The following SBF2 variants were observed in gnomAD, a reference collection of about 807,000 sequenced individuals.
SBF2 encodes the protein myotubularin-related protein 13.
Under a neutral mutation model 225.2 loss-of-function variants are expected in SBF2, and 112 were observed. The ratio of observed to expected loss-of-function variants is 0.50; its 90% confidence interval spans 0.43 to 0.58. The LOEUF is 0.58. Among genes scored for constraint, SBF2 ranks in the 20% least tolerant of loss-of-function variants. The pLI is 0.00. For synonymous variants in SBF2, 763 were observed against 773.3 expected (o/e 0.99, Z 0.22); for missense variants, 1,996 against 2,206.2 (o/e 0.90, Z 1.91).
At chr11:9,798,739 G>A (rs1023605288) in intron 32 of SBF2, among the ~76,000 whole-genome samples, 9 of 152,162 alleles carry the variant, frequency 5.9e-5, no homozygotes, top group African/African-American at 2.2e-4. Context: ...GAGGTCAGGA[G>A]ATTGAGACCA....
chr11:9,816,054 C>T (rs550131436), intron 29 of SBF2, among the ~76,000 whole-genome samples: 1 of 152,318 alleles, frequency 6.6e-6, no homozygotes, highest in South Asian at 2.1e-4. Flanking sequence ...CCAACTGGAG[C>T]ACTGGATTAA....
At chr11:10,100,126 C>T (rs563039570) in intron 2 of SBF2, among the ~76,000 whole-genome samples, 18 of 152,260 alleles carry the variant, frequency 1.2e-4, no homozygotes, top group African/African-American at 3.6e-4. Flanking sequence ...TTTATAAACA[C>T]ACATAGGCTA....
In SBF2 at chr11:9,784,337, T is replaced by A; in HGVS notation, c.5319+14A>T. 4 of 1,599,060 alleles carry A rather than the reference T, an allele frequency of 2.5e-6. No individual in the cohort carries two copies. Among genetic ancestry groups the A allele is most frequent in the Non-Finnish European group, 3.4e-6 (4 of 1,166,286 alleles). ...CTAGACAGAAGTAATTTCTTTTGGCTTTAAGAGTATTACCTGATGTTTTGT... is the reference window on the plus strand; with the variant it reads ...CTAGACAGAAGTAATTTCTTTTGGCATTAAGAGTATTACCTGATGTTTTGT... On this transcript the variant is annotated intron_variant, in intron 38 of 39. Coordinates refer to ENST00000256190, the MANE Select transcript of SBF2 (RefSeq NM_030962.4).
intron 16 of SBF2, among the ~76,000 whole-genome samples, chr11:9,930,317 T>C (rs1235856802): frequency 6.6e-6 from 1 of 152,190 alleles, no homozygotes; most frequent in Non-Finnish European, 1.5e-5. Flanking sequence ...TATTGATGCA[T>C]ACTACATACA....
chr11:9,840,261 A>AC (rs901946161), intron 25 of SBF2, among the ~76,000 whole-genome samples: 2 of 152,028 alleles, frequency 1.3e-5, no homozygotes, highest in South Asian at 2.1e-4. Context: ...GCAAAAAAAA[A>AC]AAAAAACAAA....
In SBF2 at chr11:10,042,866, T is replaced by C. The variant is rs745669920; in HGVS notation, c.257A>G (p.Tyr86Cys). ...DRHYCSCLTF[Y>C]EAEINLQGTK... Reference sequence around the variant, plus strand: ...TACCTGAAGATTGATCTCTGCCTCATAGAAGGTTAGGCATGAGCAGTAATG... The same window carrying C: ...TACCTGAAGATTGATCTCTGCCTCACAGAAGGTTAGGCATGAGCAGTAATG... The change falls in exon 3 of 40, where the codon TAT (tyrosine) becomes TGT (cysteine). Residue 86 changes from tyrosine to cysteine, a missense_variant. Tyr to Cys is a radical substitution (Grantham distance 194). Transcript: ENST00000256190. 1.9e-5 allele frequency: 31 copies of C among 1,613,858 alleles called. No homozygotes were observed. The highest frequency in any genetic ancestry group is 6.7e-5 in the Admixed American group (4 of 59,990).
chr11:9,823,501 G>C (rs1372691217), intron 28 of SBF2, among the ~76,000 whole-genome samples: 1 of 149,324 alleles, frequency 6.7e-6, no homozygotes, highest in South Asian at 2.1e-4. Flanking sequence ...TAGGGGTTAG[G>C]GTAAAAAAAA....
intron 29 of SBF2, among the ~76,000 whole-genome samples, chr11:9,815,466 A>AT (rs34605743): frequency 0.83 from 124,340 of 149,614 alleles, 52,600 homozygotes; most frequent in Non-Finnish European, 0.89. Context: ...ACTTAAAAAA[A>AT]ATATAATAAT....
chr11:9,839,730 T>C (rs757919881), intron 25 of SBF2, 34 bp from the exon 26 acceptor site: 1 of 1,592,612 alleles, frequency 6.3e-7, no homozygotes, highest in South Asian at 1.1e-5. Flanking sequence ...GAAGAAATGA[T>C]TAGCTCAAAG....
chr11:10,227,839 T>G (rs1958644338), intron 1 of SBF2, among the ~76,000 whole-genome samples: 1 of 151,762 alleles, frequency 6.6e-6, no homozygotes, highest in South Asian at 2.1e-4. Context: ...TTAAAGTAGT[T>G]TTTTCCAATT....
intron 16 of SBF2, among the ~76,000 whole-genome samples, chr11:9,945,718 T>C (rs1023813197): frequency 2.6e-5 from 4 of 152,060 alleles, no homozygotes; most frequent in South Asian, 4.1e-4. Context: ...ATATTGAGAA[T>C]CTAAAAGAGA....
chr11:10,013,636 T>C (rs182493568), intron 6 of SBF2, among the ~76,000 whole-genome samples: 13 of 152,316 alleles, frequency 8.5e-5, no homozygotes, highest in Admixed American at 3.3e-4. Context: ...GCTGTCCAAT[T>C]TCTCCAATGA....
At chr11:10,031,310 T>C in intron 3 of SBF2, 140 bp from the exon 4 acceptor site, 3 of 803,058 alleles carry the variant, frequency 3.7e-6, no homozygotes, top group Non-Finnish European at 5.6e-6. Flanking sequence ...AAACTACAAA[T>C]AAAGAATAGA....
chr11:10,222,311 T>C (rs1958369022), intron 1 of SBF2, among the ~76,000 whole-genome samples: 1 of 152,128 alleles, frequency 6.6e-6, no homozygotes, highest in Admixed American at 6.5e-5. Flanking sequence ...CAATAGAAAC[T>C]AACTCCAGGA....
chr11:10,281,385 T>C (rs1381192978), intron 1 of SBF2, among the ~76,000 whole-genome samples: 3 of 152,186 alleles, frequency 2.0e-5, no homozygotes, highest in Non-Finnish European at 4.4e-5. Context: ...CCTCATCCTT[T>C]AAGAACACTT....
At chr11:10,095,294 A>G (rs1951971770) in intron 2 of SBF2, among the ~76,000 whole-genome samples, 2 of 152,220 alleles carry the variant, frequency 1.3e-5, no homozygotes, top group Non-Finnish European at 2.9e-5. Context: ...GTAAGAAAAT[A>G]TTATCAACAA....
At chr11:10,292,716 G>T (rs921580245) in intron 1 of SBF2, among the ~76,000 whole-genome samples, 4 of 151,518 alleles carry the variant, frequency 2.6e-5, no homozygotes, top group African/African-American at 7.3e-5. Flanking sequence ...AAAGTGGGGA[G>T]GGGGGGAGGC....
intron 17 of SBF2, among the ~76,000 whole-genome samples, chr11:9,862,316 G>A (rs534316928): frequency 3.9e-4 from 59 of 152,336 alleles, no homozygotes; most frequent in African/African-American, 1.3e-3. Context: ...AGGACCAGCA[G>A]AGGGCAGTAT....
At chr11:10,228,082 A>T (rs185040319) in intron 1 of SBF2, among the ~76,000 whole-genome samples, 1 of 151,634 alleles carries the variant, frequency 6.6e-6, no homozygotes, top group African/African-American at 2.4e-5. Flanking sequence ...TCTTTGAAGC[A>T]ATTGTGAATG....
Sources: gnomAD v4.1 joint callset for allele counts (sites outside exome capture counted in the v4.1 genomes callset) on GRCh38, gnomAD v4.1.1 for gene constraint, MANE v1.5 for transcripts, NCBI Gene and HGNC (gene_info 2026-07-23, HGNC 2026-07-21) for gene names.